ARHGAP24: variants seen among roughly 807,000 people sequenced by gnomAD.
ARHGAP24 encodes Rho GTPase activating protein 24.
Under a neutral mutation model 76.4 loss-of-function variants are expected in ARHGAP24, and 50 were observed. That is an observed-to-expected ratio of 0.65 (90% CI 0.52 to 0.83). The LOEUF is 0.83. Ranked by LOEUF, ARHGAP24 falls within the 40% of genes least tolerant of loss-of-function variation. The probability of loss-of-function intolerance (pLI) is 0.00; values close to 1 mark genes in which losing one functional copy is unlikely to be tolerated. For missense variants in ARHGAP24, 930 were observed against 914.2 expected, an observed-to-expected ratio of 1.02 and a Z score of -0.22; for synonymous variants, 345 against 323.3, an observed-to-expected ratio of 1.07 and a Z score of -0.72.
intron 2 of ARHGAP24, among the ~76,000 whole-genome samples, chr4:85,677,213 C>T (rs2110006820): frequency 6.6e-6 from 1 of 152,338 alleles, no homozygotes; most frequent in South Asian, 2.1e-4. Flanking sequence ...TCTTTATCCT[C>T]CTCACAACAT....
chr4:85,541,142 C>CTTTTTTTTGTTTTT (rs1725672891), intron 1 of ARHGAP24, among the ~76,000 whole-genome samples: 1 of 49,740 alleles, frequency 2.0e-5, no homozygotes, highest in African/African-American at 1.1e-4. Flanking sequence ...CATCCATGAC[C>CTTTTTTTTGTTTTT]TTTTTTTTTT....
intron 3 of ARHGAP24, among the ~76,000 whole-genome samples, chr4:85,755,895 A>T (rs1481905134): frequency 2.0e-5 from 3 of 151,958 alleles, no homozygotes; most frequent in Non-Finnish European, 2.9e-5. Flanking sequence ...GGCCTCCCAA[A>T]GTGCTGGGAG....
chr4:85,581,976 T>C (rs1407647228), intron 2 of ARHGAP24, among the ~76,000 whole-genome samples: 1 of 152,044 alleles, frequency 6.6e-6, no homozygotes, highest in African/African-American at 2.4e-5. Flanking sequence ...GGCTTCAGAG[T>C]TGTTATTTAA....
At chr4:85,784,407 A>G (rs1727710988) in intron 3 of ARHGAP24, among the ~76,000 whole-genome samples, 1 of 151,938 alleles carries the variant, frequency 6.6e-6, no homozygotes, top group Admixed American at 6.6e-5. Flanking sequence ...TCTTCCTTGG[A>G]AAATTTCATA....
rs149731982 is a variant in ARHGAP24 at position 85,953,589 on chromosome 4, T to A, written c.599+11316T>A. 5.5e-4 allele frequency among the ~76,000 whole-genome samples: 84 copies of A among 152,180 alleles called. 1 individual carries two copies. The highest frequency in any genetic ancestry group is 2.0e-3 in the African/African-American group (81 of 41,508). ...AGACCCCACTTGCTCTCATTCTGAT[T>A]TAAATGGTTGGAGAATGCCTAGGAA... is the stretch of plus-strand genomic sequence containing the variant. On this transcript the variant is annotated intron_variant, in intron 5 of 9. Coordinates refer to ENST00000395184, the MANE Select transcript of ARHGAP24 (RefSeq NM_001025616.3).
At chr4:85,643,446 G>C (rs1721605250) in intron 2 of ARHGAP24, among the ~76,000 whole-genome samples, 1 of 103,250 alleles carries the variant, frequency 9.7e-6, no homozygotes, top group Non-Finnish European at 2.0e-5. Context: ...TTTTAGTAGA[G>C]ACGGGGTTTC....
chr4:85,501,745 T>G (rs1723826105), intron 1 of ARHGAP24, among the ~76,000 whole-genome samples: 1 of 152,178 alleles, frequency 6.6e-6, no homozygotes, highest in African/African-American at 2.4e-5. Flanking sequence ...ATTTGTCTAT[T>G]TTGGCTTTTG....
chr4:85,600,869 G>C lies in ARHGAP24; in HGVS notation c.180+30148G>C, dbSNP rs540438524. Among the ~76,000 whole-genome samples, 3 of 152,240 alleles carry C rather than the reference G, an allele frequency of 2.0e-5. No homozygotes were observed. The South Asian group carries it at 6.2e-4, about 32-fold the overall frequency. On this transcript the variant is annotated intron_variant, in intron 2 of 9. Coordinates refer to ENST00000395184, the MANE Select transcript of ARHGAP24 (RefSeq NM_001025616.3). ...ATGCATGCCTTGAAAAACGTTTTTC[G>C]TTTTGCTTTTTGGTCATTTTTTATT...
chr4:85,666,021 T>A (rs1313544030), intron 2 of ARHGAP24, among the ~76,000 whole-genome samples: 3 of 152,220 alleles, frequency 2.0e-5, no homozygotes. Flanking sequence ...GAGGAGTATC[T>A]TTGTGGCCTT....
chr4:85,803,537 CTTTGTA>C (rs949204164), intron 3 of ARHGAP24, among the ~76,000 whole-genome samples: 2 of 152,150 alleles, frequency 1.3e-5, no homozygotes, highest in African/African-American at 2.4e-5. Flanking sequence ...TTCTTTAACT[CTTTGTA>C]TTTGTATCTA....
At chr4:85,840,429 C>A (rs976401288) in intron 3 of ARHGAP24, among the ~76,000 whole-genome samples, 1 of 152,186 alleles carries the variant, frequency 6.6e-6, no homozygotes, top group Non-Finnish European at 1.5e-5. Context: ...GTGCACACTG[C>A]GCCCAGGAGC....
At chr4:85,992,155 AT>A (rs1372167354) in intron 8 of ARHGAP24, 4 of 397,644 alleles carry the variant, frequency 1.0e-5, no homozygotes, top group Middle Eastern at 6.2e-4. Context: ...CATGTTCCTC[AT>A]TGGCATTCTA....
intron 2 of ARHGAP24, among the ~76,000 whole-genome samples, chr4:85,601,208 A>G (rs901125283): frequency 2.6e-5 from 4 of 152,202 alleles, no homozygotes; most frequent in African/African-American, 7.2e-5. Flanking sequence ...TGAAATTATA[A>G]CTGTTCTGTG....
intron 1 of ARHGAP24, among the ~76,000 whole-genome samples, chr4:85,488,490 G>A (rs935601117): frequency 6.6e-6 from 1 of 151,998 alleles, no homozygotes; most frequent in African/African-American, 2.4e-5. Context: ...AAATTCATAG[G>A]ACTTCAGAAT....
intron 3 of ARHGAP24, among the ~76,000 whole-genome samples, chr4:85,747,495 A>G (rs1726089133): frequency 6.6e-6 from 1 of 152,220 alleles, no homozygotes; most frequent in Non-Finnish European, 1.5e-5. Context: ...CGAGGTCAGG[A>G]GATCGAGACC....
Position 85,660,050 on chromosome 4 carries a change from G to A in ARHGAP24, c.181-61835G>A, listed in dbSNP as rs558936514. Among the ~76,000 whole-genome samples the A allele has an allele frequency of 4.6e-5, 7 of 152,216 alleles. No individual in the cohort carries two copies. The East Asian group carries it at 5.8e-4, about 13-fold the overall frequency. On this transcript the variant is annotated intron_variant, in intron 2 of 9. Transcript: ENST00000395184. Reference sequence around the variant, plus strand: ...CCCTTATCACTTCTCATCTAAACTCGGTGGGTTATGTGGAAAAAACGGCAT... The same window carrying A: ...CCCTTATCACTTCTCATCTAAACTCAGTGGGTTATGTGGAAAAAACGGCAT...
At position 85,488,267 on chromosome 4, in the gene ARHGAP24, G is replaced by C. The variant is rs148306005; in HGVS notation, c.-21+12708G>C. Among the ~76,000 whole-genome samples, 84 of 152,026 alleles carry C rather than the reference G, an allele frequency of 5.5e-4. No individual in the cohort carries two copies. In the East Asian group the frequency reaches 0.013, roughly 23 times the overall value. On this transcript the variant is annotated intron_variant, in intron 1 of 9. Transcript: ENST00000395184. The stretch of plus-strand genomic sequence containing the variant: ...GGTCTTAACACCTCCTGTGGAGAGG[G>C]GGAAAAGGGAGGTGTAATTTAAATG...
intron 3 of ARHGAP24, among the ~76,000 whole-genome samples, chr4:85,801,364 G>A (rs1260596812): frequency 6.6e-6 from 1 of 152,134 alleles, no homozygotes; most frequent in Non-Finnish European, 1.5e-5. Flanking sequence ...TCTAAATTAG[G>A]TAAAAGCCTG....
intron 3 of ARHGAP24, among the ~76,000 whole-genome samples, chr4:85,854,291 A>G (rs1233017545): frequency 6.6e-6 from 1 of 152,222 alleles, no homozygotes; most frequent in East Asian, 1.9e-4. Flanking sequence ...AAATTTAAAC[A>G]TGAGAAAATT....
Sources: allele counts gnomAD v4.1 joint callset (sites outside exome capture counted in the v4.1 genomes callset), GRCh38; gene constraint gnomAD v4.1.1; transcripts MANE v1.5; gene names NCBI Gene and HGNC (gene_info 2026-07-23, HGNC 2026-07-21).